Variants in KANSL1L observed in about 807,000 individuals in gnomAD.
KANSL1L encodes the protein KAT8 regulatory NSL complex subunit 1 like, also known as KAT8 regulatory NSL complex subunit 1-like protein.
A neutral mutation model predicts 108.6 loss-of-function variants in KANSL1L; 25 were observed. The observed-to-expected ratio is 0.23, with a 90% confidence interval of 0.17 to 0.32. The LOEUF is 0.32. Among genes scored for constraint, KANSL1L ranks in the 10% least tolerant of loss-of-function variants. KANSL1L has a pLI of 1.00. For synonymous variants in KANSL1L, 405 were observed against 395.1 expected (o/e 1.03, Z -0.30); for missense variants, 1,137 against 1,125.7 (o/e 1.01, Z -0.14).
At chr2:210,097,841 CTTTTTT>C (rs550382400) in intron 5 of KANSL1L, 1 of 244,112 alleles carries the variant, frequency 4.1e-6, no homozygotes, top group Non-Finnish European at 7.9e-6. Flanking sequence ...CACCACTATT[CTTTTTT>C]TAAGAAACAT....
chr2:210,021,998 A>G lies in KANSL1L; in HGVS notation c.*951T>C, dbSNP rs368018718. 2 of 148,392 alleles carry G rather than the reference A, an allele frequency of 1.3e-5. No individual in the cohort carries two copies. The highest frequency in any genetic ancestry group is 5.2e-5 in the African/African-American group (2 of 38,668). 9.2% of individuals were successfully genotyped at this position (148,392 alleles called of 1,614,324 possible). Reference sequence around the variant, plus strand: ...AATTTCTTGCTAATCTAGAAATACAATCATCTTTTTTTTTTTTTTCAAATT... The same window carrying G: ...AATTTCTTGCTAATCTAGAAATACAGTCATCTTTTTTTTTTTTTTCAAATT... On this transcript the variant is annotated 3_prime_UTR_variant, in exon 15 of 15. Coordinates refer to ENST00000281772, the MANE Select transcript of KANSL1L (RefSeq NM_152519.4).
chr2:210,128,933 T>C (rs2095093985), intron 3 of KANSL1L, 98 bp downstream of exon 3: 1 of 1,040,040 alleles, frequency 9.6e-7, no homozygotes. Flanking sequence ...GGCTACATTT[T>C]TATAAAACCT....
chr2:210,106,319 A>T (rs946085392), intron 3 of KANSL1L, among the ~76,000 whole-genome samples: 3 of 152,164 alleles, frequency 2.0e-5, no homozygotes, highest in African/African-American at 7.2e-5. Context: ...GTCTGTATAG[A>T]TTAGTCTGAT....
chr2:210,068,568 T>C (rs1367649709), intron 6 of KANSL1L, among the ~76,000 whole-genome samples: 1 of 152,228 alleles, frequency 6.6e-6, no homozygotes, highest in Non-Finnish European at 1.5e-5. Flanking sequence ...TAGAAGTTTA[T>C]TGTTTTCCTG....
intron 2 of KANSL1L, among the ~76,000 whole-genome samples, chr2:210,134,638 G>A (rs1399643848): frequency 6.6e-6 from 1 of 152,098 alleles, no homozygotes; most frequent in Non-Finnish European, 1.5e-5. Flanking sequence ...CACTAAGGCA[G>A]TTATCAAATT....
chr2:210,023,245 T>TACAGATTACTTGTTAGATG, intron 14 of KANSL1L, 66 bp from the exon 15 acceptor site: 1 of 1,076,602 alleles, frequency 9.3e-7, no homozygotes, highest in Non-Finnish European at 1.4e-6. Context: ...ATCTAACAAG[T>TACAGATTACTTGTTAGATG]AATCTGTACA....
intron 12 of KANSL1L, 39 bp downstream of exon 12, chr2:210,027,257 A>G (rs749539878): frequency 1.5e-6 from 2 of 1,318,910 alleles, no homozygotes; most frequent in South Asian, 1.2e-5. Context: ...TTCATAATAC[A>G]TAATGTGCAA....
At chr2:210,027,474 T>TAA in intron 11 of KANSL1L, 124 bp from the exon 12 acceptor site, 2 of 633,278 alleles carry the variant, frequency 3.2e-6, no homozygotes, top group Non-Finnish European at 2.8e-6. Context: ...TGTTGTATTT[T>TAA]AATACTTAAT....
At chr2:210,169,042 A>G (rs1337579460) in intron 1 of KANSL1L, among the ~76,000 whole-genome samples, 2 of 152,156 alleles carry the variant, frequency 1.3e-5, no homozygotes, top group South Asian at 2.1e-4. Flanking sequence ...TTTAAAGCCT[A>G]ATACTAGGTG....
At chr2:210,063,573 G>C (rs2094440387) in intron 6 of KANSL1L, among the ~76,000 whole-genome samples, 1 of 152,210 alleles carries the variant, frequency 6.6e-6, no homozygotes, top group Non-Finnish European at 1.5e-5. Flanking sequence ...CCCACCTCTT[G>C]CATCAGTGTG....
intron 6 of KANSL1L, among the ~76,000 whole-genome samples, chr2:210,052,971 A>G (rs1411619063): frequency 6.6e-6 from 1 of 152,258 alleles, no homozygotes; most frequent in Non-Finnish European, 1.5e-5. Flanking sequence ...AGCTTTGCAC[A>G]TATGAACTGG....
At chr2:210,142,283 C>T (rs1225064744) in intron 2 of KANSL1L, among the ~76,000 whole-genome samples, 1 of 151,912 alleles carries the variant, frequency 6.6e-6, no homozygotes, top group Non-Finnish European at 1.5e-5. Context: ...AATTTGTTGG[C>T]ATAGAGATGT....
chr2:210,100,263 C>G (rs981649477), intron 4 of KANSL1L, among the ~76,000 whole-genome samples: 1 of 152,110 alleles, frequency 6.6e-6, no homozygotes, highest in African/African-American at 2.4e-5. Flanking sequence ...AGTTTCATCT[C>G]AAAACCATCC....
intron 2 of KANSL1L, among the ~76,000 whole-genome samples, chr2:210,134,247 G>A (rs539555561): frequency 6.6e-6 from 1 of 152,056 alleles, no homozygotes; most frequent in African/African-American, 2.4e-5. Context: ...TTCTTTATAT[G>A]TTCAATTTCT....
intron 6 of KANSL1L, among the ~76,000 whole-genome samples, chr2:210,056,540 G>T (rs373798218): frequency 3.3e-5 from 5 of 152,144 alleles, no homozygotes; most frequent in African/African-American, 1.2e-4. Flanking sequence ...GAGTGCAGTG[G>T]TATGATCTCG....
chr2:210,074,647 G>A (rs1298688315), intron 6 of KANSL1L, among the ~76,000 whole-genome samples: 1 of 152,192 alleles, frequency 6.6e-6, no homozygotes, highest in Non-Finnish European at 1.5e-5. Flanking sequence ...AAGCCACCGT[G>A]CCGGGCAGGA....
intron 1 of KANSL1L, 29 bp from the exon 2 acceptor site, chr2:210,154,640 A>C (rs1360693274): frequency 7.4e-7 from 1 of 1,343,692 alleles, no homozygotes. Flanking sequence ...AAATGGTCAA[A>C]TATCTAGAAA....
chr2:210,151,413 T>C (rs1440583117), intron 2 of KANSL1L: 1 of 152,244 alleles, frequency 6.6e-6, no homozygotes, highest in Non-Finnish European at 1.5e-5. Flanking sequence ...ATGTGCCCAC[T>C]ACATTTTATT....
chr2:210,078,148 T>C (rs535879906), intron 5 of KANSL1L, among the ~76,000 whole-genome samples: 1 of 152,280 alleles, frequency 6.6e-6, no homozygotes, highest in African/African-American at 2.4e-5. Context: ...TGTAACATGA[T>C]AGACATGGTA....
Sources: gnomAD v4.1 joint callset for allele counts (sites outside exome capture counted in the v4.1 genomes callset) on GRCh38, gnomAD v4.1.1 for gene constraint, MANE v1.5 for transcripts, NCBI Gene and HGNC (gene_info 2026-07-23, HGNC 2026-07-21) for gene names.